The following ABLIM1 variants were observed in gnomAD, a reference collection of about 807,000 sequenced individuals.
ABLIM1 encodes actin-binding LIM protein 1.
A neutral mutation model predicts 107.0 loss-of-function variants in ABLIM1; 40 were observed. The ratio of observed to expected loss-of-function variants is 0.37; its 90% CI spans 0.29 to 0.49. The LOEUF (loss-of-function observed/expected upper bound fraction) is 0.49, where lower values mean the gene tolerates loss of function less well. Ranked by LOEUF, ABLIM1 falls within the 20% of genes least tolerant of loss-of-function variation. The probability of loss-of-function intolerance (pLI) is 0.97; values close to 1 mark genes in which losing one functional copy is unlikely to be tolerated. For synonymous variants in ABLIM1, 357 were observed against 357.3 expected (o/e 1.00, Z 0.01); for missense variants, 857 against 1,008.5 (o/e 0.85, Z 2.04).
At chr10:114,653,176 C>G (rs1438537540) in intron 1 of ABLIM1, among the ~76,000 whole-genome samples, 2 of 152,186 alleles carry the variant, frequency 1.3e-5, no homozygotes, top group Non-Finnish European at 2.9e-5. Context: ...GTTTCCTTCT[C>G]TGTAAAATGA....
chr10:114,519,355 G>A (rs553678940), intron 6 of ABLIM1, among the ~76,000 whole-genome samples: 26 of 152,334 alleles, frequency 1.7e-4, no homozygotes, highest in Middle Eastern at 3.4e-3. Flanking sequence ...AAAGGAGGTA[G>A]AGAAGAGATC....
At chr10:114,443,971 G>T (rs2139302341) in intron 17 of ABLIM1, 58 bp downstream of exon 17, 1 of 1,380,608 alleles carries the variant, frequency 7.2e-7, no homozygotes, top group Non-Finnish European at 1.0e-6. Context: ...CAAGGCAGGT[G>T]CCTTACAAGC....
intron 14 of ABLIM1, chr10:114,450,017 T>C: frequency 3.9e-6 from 1 of 256,416 alleles, no homozygotes; most frequent in Non-Finnish European, 8.3e-6. Flanking sequence ...AATTATTTGA[T>C]TATTTTTGTT....
chr10:114,433,762 T>A lies in ABLIM1; in HGVS notation c.*2498A>T, dbSNP rs767457298. The A allele has an allele frequency of 6.6e-6, 1 of 152,204 alleles. No individual in the cohort carries two copies. The highest frequency in any genetic ancestry group is 1.5e-5 in the Non-Finnish European group (1 of 68,036). The allele number at this position is 152,204 out of a possible 1,614,324, so 9.4% of individuals were successfully genotyped here. On this transcript the variant is annotated 3_prime_UTR_variant, in exon 23 of 23. Transcript: ENST00000533213. ...CCCAGTTTTCAGTCTAATGTCCCCA[T>A]TCTATGACAGACCCATGTCTTCTTT...
chr10:114,604,174 T>A (rs1258075149), intron 1 of ABLIM1, among the ~76,000 whole-genome samples: 1 of 152,086 alleles, frequency 6.6e-6, no homozygotes, highest in Non-Finnish European at 1.5e-5. Flanking sequence ...ATTTGACAGT[T>A]GACAGATAAG....
intron 2 of ABLIM1, among the ~76,000 whole-genome samples, chr10:114,583,863 A>T (rs915012854): frequency 4.6e-5 from 7 of 152,126 alleles, no homozygotes; most frequent in Non-Finnish European, 7.4e-5. Flanking sequence ...GAACTAATGC[A>T]GAAACAGAAA....
At chr10:114,584,287 G>A (rs571045175) in intron 2 of ABLIM1, among the ~76,000 whole-genome samples, 72 of 152,146 alleles carry the variant, frequency 4.7e-4, no homozygotes, top group Middle Eastern at 3.4e-3. Flanking sequence ...TTAGCACTGC[G>A]AATACCAAAT....
chr10:114,786,778 G>C, the ABLIM1 span, among the ~76,000 whole-genome samples: 1 of 152,206 alleles, frequency 6.6e-6, no homozygotes, highest in African/African-American at 2.4e-5. Context: ...ATTGCAGATG[G>C]AGTCTCCTTC....
At chr10:114,501,485 C>T (rs954025873) in intron 6 of ABLIM1, among the ~76,000 whole-genome samples, 5 of 152,084 alleles carry the variant, frequency 3.3e-5, no homozygotes, top group African/African-American at 2.4e-5. Flanking sequence ...TAAAATCGAG[C>T]CTTCATATTT....
intron 1 of ABLIM1, among the ~76,000 whole-genome samples, chr10:114,664,876 T>C (rs554700672): frequency 2.0e-5 from 3 of 149,934 alleles, no homozygotes; most frequent in South Asian, 4.3e-4. Context: ...TTCCACACTT[T>C]GGGAGGCCGA....
chr10:114,513,747 T>C (rs2062304109), intron 6 of ABLIM1, among the ~76,000 whole-genome samples: 1 of 152,138 alleles, frequency 6.6e-6, no homozygotes, highest in Non-Finnish European at 1.5e-5. Context: ...ACAGAGCTAG[T>C]AGATACAAGC....
At position 114,629,053 on chromosome 10, in the gene ABLIM1, T is replaced by C. The variant is rs2078002475; in HGVS notation, c.245-27092A>G. Among the ~76,000 whole-genome samples the C allele has an allele frequency of 6.6e-6, 1 of 152,056 alleles. No individual in the cohort carries two copies. Among genetic ancestry groups the C allele is most frequent in the Non-Finnish European group, 1.5e-5 (1 of 68,016 alleles). ...TAACCATTTCATCAAGATTCCGGAA[T>C]CAATAAGTGTCTGCAGCTGGAAGTG... On this transcript the variant is annotated intron_variant, in intron 1 of 22. Transcript: ENST00000533213. This position sits in a 1 kb window ranked among gnomAD's most constrained non-coding sequence, Gnocchi z 4.0.
At chr10:114,557,847 A>G (rs1256426801) in intron 4 of ABLIM1, among the ~76,000 whole-genome samples, 1 of 151,706 alleles carries the variant, frequency 6.6e-6, no homozygotes, top group Non-Finnish European at 1.5e-5. Flanking sequence ...CAAAAAAAAA[A>G]AAAAAAATCA....
chr10:114,654,708 G>A (rs1015701570), intron 1 of ABLIM1, among the ~76,000 whole-genome samples: 1 of 152,184 alleles, frequency 6.6e-6, no homozygotes, highest in Non-Finnish European at 1.5e-5. Context: ...ATGTCTAAGT[G>A]CGCTCTGGTA....
At chr10:114,602,917 G>A (rs757330791) in intron 1 of ABLIM1, among the ~76,000 whole-genome samples, 4 of 152,192 alleles carry the variant, frequency 2.6e-5, no homozygotes, top group African/African-American at 4.8e-5. Flanking sequence ...GACACTTGTG[G>A]CTTTGAGCTC....
At chr10:114,564,212 T>C (rs2070293799) in intron 4 of ABLIM1, among the ~76,000 whole-genome samples, 1 of 151,804 alleles carries the variant, frequency 6.6e-6, no homozygotes, top group Non-Finnish European at 1.5e-5. Flanking sequence ...ACTTCACTTC[T>C]CAAGACACAC....
At chr10:114,786,046 A>G in the ABLIM1 span, among the ~76,000 whole-genome samples, 1 of 151,976 alleles carries the variant, frequency 6.6e-6, no homozygotes. Flanking sequence ...GTTTTATAAG[A>G]GTATCAATAT....
intron 9 of ABLIM1, 50 bp from the exon 10 acceptor site, chr10:114,473,182 A>G (rs757241931): frequency 1.3e-6 from 2 of 1,531,286 alleles, no homozygotes; most frequent in Admixed American, 4.2e-5. Context: ...TGACTGCTTT[A>G]GGAAACTGTA....
At chr10:114,510,166 C>T (rs1434988985) in intron 6 of ABLIM1, among the ~76,000 whole-genome samples, 1 of 152,178 alleles carries the variant, frequency 6.6e-6, no homozygotes, top group Non-Finnish European at 1.5e-5. Flanking sequence ...TACCTTCCCA[C>T]ATCTTAAATT....
Sources: allele counts gnomAD v4.1 joint callset (sites outside exome capture counted in the v4.1 genomes callset), GRCh38; gene constraint gnomAD v4.1.1; non-coding constraint Gnocchi (gnomAD v3.1); transcripts MANE v1.5; gene names NCBI Gene and HGNC (gene_info 2026-07-23, HGNC 2026-07-21).